The following VSNL1 variants were observed in gnomAD, a reference collection of about 807,000 sequenced individuals.
VSNL1 encodes visinin-like protein 1.
Under a neutral mutation model 20.4 loss-of-function variants are expected in VSNL1, and 6 were observed. That is an observed-to-expected ratio of 0.29 (90% CI 0.16 to 0.58). The LOEUF is 0.58. Ranked by LOEUF, VSNL1 falls within the 20% of genes least tolerant of loss-of-function variation. The probability of loss-of-function intolerance (pLI) is 0.90; values close to 1 mark genes in which losing one functional copy is unlikely to be tolerated. For missense variants in VSNL1, 100 were observed against 234.5 expected (o/e 0.43, Z 3.75); for synonymous variants, 93 against 86.4 (o/e 1.08, Z -0.42).
At chr2:17,645,222 C>T (rs1665967219) in intron 2 of VSNL1, among the ~76,000 whole-genome samples, 1 of 152,260 alleles carries the variant, frequency 6.6e-6, no homozygotes, top group Admixed American at 6.5e-5. Flanking sequence ...CCGAAGTAGC[C>T]TTGCTGCCAC....
intron 2 of VSNL1, among the ~76,000 whole-genome samples, chr2:17,603,563 T>C (rs1044780992): frequency 6.6e-6 from 1 of 152,192 alleles, no homozygotes; most frequent in African/African-American, 2.4e-5. Flanking sequence ...CAAGGAGTTC[T>C]GTTGGCTGAA....
chr2:17,571,276 C>T (rs554361879), intron 1 of VSNL1, among the ~76,000 whole-genome samples: 20 of 152,290 alleles, frequency 1.3e-4, no homozygotes, highest in African/African-American at 4.8e-4. Flanking sequence ...TAGCCGGAAC[C>T]TAACACAACT....
In VSNL1 at chr2:17,552,003, C is replaced by T. The variant is rs548054127; in HGVS notation, c.-6+11085C>T. Among the ~76,000 whole-genome samples, 8 of 150,512 alleles carry T rather than the reference C, an allele frequency of 5.3e-5. No homozygotes were observed. The South Asian group carries it at 1.5e-3, about 28-fold the overall frequency. On this transcript the variant is annotated intron_variant, in intron 1 of 3. Transcript: ENST00000295156. ...CACGAGGTCAGGAGATCGAGACCAT[C>T]CTGGCTAACACGGTGAAACCCCGTC...
At chr2:17,619,333 G>C (rs777456676) in intron 2 of VSNL1, among the ~76,000 whole-genome samples, 12 of 152,276 alleles carry the variant, frequency 7.9e-5, no homozygotes, top group Non-Finnish European at 1.3e-4. Flanking sequence ...GGGCAATCTT[G>C]GTCCATCTTC....
At chr2:17,624,725 G>A (rs1272069504) in intron 2 of VSNL1, among the ~76,000 whole-genome samples, 1 of 152,220 alleles carries the variant, frequency 6.6e-6, no homozygotes, top group Non-Finnish European at 1.5e-5. Flanking sequence ...GAAGCCTCCA[G>A]AAGGGAATGT....
chr2:17,619,945 T>C (rs147630080), intron 2 of VSNL1, among the ~76,000 whole-genome samples: 1 of 150,464 alleles, frequency 6.6e-6, no homozygotes, highest in East Asian at 2.0e-4. Context: ...TAATGTGTGG[T>C]GGAGTCATGC....
At chr2:17,541,849 G>A (rs1663291426) in intron 1 of VSNL1, among the ~76,000 whole-genome samples, 1 of 152,198 alleles carries the variant, frequency 6.6e-6, no homozygotes, top group African/African-American at 2.4e-5. Flanking sequence ...TGTGTACGTG[G>A]AAGGAGCGAG....
chr2:17,622,552 GA>G (rs370497388), intron 2 of VSNL1, among the ~76,000 whole-genome samples: 4 of 88,560 alleles, frequency 4.5e-5, no homozygotes, highest in Admixed American at 1.1e-4. Context: ...AAGAAAGAAA[GA>G]AAGAAAGAAA....
In VSNL1 at chr2:17,655,646, T is replaced by C. The variant is rs1666216368; in HGVS notation, c.*252T>C. ...CCACAATGTGATATGTGTAATATCA[T>C]TTCATAAAAATCCCTCTTCCTCCAA... On this transcript the variant is annotated 3_prime_UTR_variant, in exon 4 of 4. Transcript: ENST00000295156. This position sits in a 1 kb window ranked among gnomAD's most constrained non-coding sequence, Gnocchi z 5.2. 2.6e-6 allele frequency: 1 copy of C among 385,546 alleles called. No individual in the cohort carries two copies. 23.9% of individuals were successfully genotyped at this position (385,546 alleles called of 1,614,324 possible). A position where few individuals can be genotyped will look rare whatever the true frequency, so the allele number is the denominator to read the frequency against.
chr2:17,566,264 T>C (rs570754372), intron 1 of VSNL1, among the ~76,000 whole-genome samples: 17 of 152,206 alleles, frequency 1.1e-4, no homozygotes, highest in Non-Finnish European at 2.1e-4. Context: ...AGATATATAG[T>C]GAAATGGAAT....
At position 17,649,599 on chromosome 2, in the gene VSNL1, CGAGTG is replaced by C. The variant is rs1170937370; in HGVS notation, c.356_360del (p.Val119AspfsTer22). ...CCTGGATGGTGATGGCAAGATCACC[CGAGTG>C]GAGATGCTGGAGATCATCGAGGTGA... On this transcript the variant is annotated frameshift_variant, in exon 3 of 4. Transcript: ENST00000295156. LOFTEE classifies it high-confidence loss of function. The surrounding 1 kb of genome is among the most constrained non-coding windows in gnomAD (Gnocchi z 6.4). The C allele has an allele frequency of 6.2e-7, 1 of 1,613,978 alleles. No individual in the cohort carries two copies. The highest frequency in any genetic ancestry group is 1.7e-5 in the Admixed American group (1 of 60,004).
chr2:17,564,170 T>C (rs1297275531), intron 1 of VSNL1, among the ~76,000 whole-genome samples: 5 of 152,212 alleles, frequency 3.3e-5, no homozygotes, highest in Non-Finnish European at 5.9e-5. Flanking sequence ...ATTTCTTTTT[T>C]TCACCCCCAT....
At chr2:17,587,701 C>T (rs16983681) in intron 1 of VSNL1, among the ~76,000 whole-genome samples, 14,834 of 152,058 alleles carry the variant, frequency 0.098, 1,037 homozygotes, top group African/African-American at 0.19. Flanking sequence ...CAGTGGGGTG[C>T]GAGAGAACTG....
chr2:17,592,438 G>A (rs951564026), intron 2 of VSNL1, among the ~76,000 whole-genome samples: 4 of 152,114 alleles, frequency 2.6e-5, no homozygotes, highest in African/African-American at 7.2e-5. Context: ...TGAACAAAAA[G>A]AGTAATTGTT....
chr2:17,643,706 GT>G (rs1368025127), intron 2 of VSNL1, among the ~76,000 whole-genome samples: 1 of 152,130 alleles, frequency 6.6e-6, no homozygotes, highest in East Asian at 1.9e-4. Context: ...TGTAACAAAT[GT>G]TCCCTACAGT....
At chr2:17,650,490 G>A (rs1380315156) in intron 3 of VSNL1, among the ~76,000 whole-genome samples, 1 of 152,226 alleles carries the variant, frequency 6.6e-6, no homozygotes, top group Non-Finnish European at 1.5e-5. Context: ...GCAGATGCAT[G>A]GTTCGGTAGC....
At chr2:17,636,817 G>A (rs577443459) in intron 2 of VSNL1, among the ~76,000 whole-genome samples, 95 of 152,194 alleles carry the variant, frequency 6.2e-4, no homozygotes, top group Admixed American at 2.6e-3. Context: ...TTATTGGACA[G>A]GGCTGCTCTC....
At chr2:17,583,314 G>C (rs552996090) in intron 1 of VSNL1, among the ~76,000 whole-genome samples, 1 of 152,194 alleles carries the variant, frequency 6.6e-6, no homozygotes, top group African/African-American at 2.4e-5. Context: ...CTTCTCTCTC[G>C]GCAGCTCCCT....
chr2:17,649,385 T>C lies in VSNL1; in HGVS notation c.163-25T>C. On this transcript the variant is annotated intron_variant, in intron 2 of 3. Coordinates refer to ENST00000295156, the MANE Select transcript of VSNL1 (RefSeq NM_003385.5). This position sits in a 1 kb window ranked among gnomAD's most constrained non-coding sequence, Gnocchi z 6.4. ...CCCGATTCCATCCCCTCCCGACACC[T>C]GACTGCGCGTGTTCTCCTTTGCAGT... 1 of 1,612,162 alleles carries C rather than the reference T, an allele frequency of 6.2e-7. No homozygotes were observed. The highest frequency in any genetic ancestry group is 8.5e-7 in the Non-Finnish European group (1 of 1,178,204).
Sources: gnomAD v4.1 joint callset for allele counts (sites outside exome capture counted in the v4.1 genomes callset) on GRCh38, gnomAD v4.1.1 for gene constraint, Gnocchi (gnomAD v3.1) non-coding constraint, MANE v1.5 for transcripts, NCBI Gene and HGNC (gene_info 2026-07-23, HGNC 2026-07-21) for gene names.